The following PCTP variants were observed in gnomAD, a reference collection of about 807,000 sequenced individuals.
The protein encoded by PCTP is phosphatidylcholine transfer protein.
Under a neutral mutation model 31.0 loss-of-function variants are expected in PCTP, and 27 were observed. The observed-to-expected ratio is 0.87, with a 90% CI of 0.64 to 1.20. The LOEUF (loss-of-function observed/expected upper bound fraction) is 1.20, where lower values mean the gene tolerates loss of function less well. PCTP is among the 50% of genes most tolerant of loss of function. PCTP has a pLI of 0.00. For missense variants in PCTP, 287 were observed against 268.2 expected (o/e 1.07, Z -0.49); for synonymous variants, 108 against 101.2 (o/e 1.07, Z -0.40).
intron 5 of PCTP, among the ~76,000 whole-genome samples, chr17:55,829,223 A>AAT (rs1555571465): frequency 2.6e-5 from 4 of 151,972 alleles, no homozygotes; most frequent in African/African-American, 4.8e-5. Flanking sequence ...AAAAAAAAAA[A>AAT]AAATAAAGAC....
chr17:55,754,650 C>T (rs1258246685), intron 1 of PCTP, among the ~76,000 whole-genome samples: 1 of 152,184 alleles, frequency 6.6e-6, no homozygotes, highest in Non-Finnish European at 1.5e-5. Context: ...CCCAAGAAGG[C>T]CTGTCCAGAT....
intron 3 of PCTP, among the ~76,000 whole-genome samples, chr17:55,808,285 C>T (rs553796597): frequency 3.2e-4 from 49 of 152,260 alleles, no homozygotes; most frequent in African/African-American, 1.1e-3. Context: ...GGATGGTTGA[C>T]GCACCTCACC....
intron 3 of PCTP, among the ~76,000 whole-genome samples, chr17:55,794,072 A>G (rs1488293759): frequency 6.6e-6 from 1 of 152,126 alleles, no homozygotes; most frequent in African/African-American, 2.4e-5. Context: ...TCTGAAAGAC[A>G]GTAACTTGTT....
At chr17:55,828,723 G>A (rs560945564) in intron 5 of PCTP, among the ~76,000 whole-genome samples, 1 of 152,148 alleles carries the variant, frequency 6.6e-6, no homozygotes, top group Non-Finnish European at 1.5e-5. Flanking sequence ...GGGTGATGGA[G>A]CCCAGTAGTA....
the PCTP span, among the ~76,000 whole-genome samples, chr17:55,851,387 A>G: frequency 6.6e-6 from 1 of 152,186 alleles, no homozygotes; most frequent in Admixed American, 6.5e-5. Context: ...GAAATGGACT[A>G]TGGAGGTTGT....
At chr17:55,842,470 G>T (rs1567736910) in intron 5 of PCTP, among the ~76,000 whole-genome samples, 1 of 152,198 alleles carries the variant, frequency 6.6e-6, no homozygotes, top group African/African-American at 2.4e-5. Flanking sequence ...AGAAAAGCCA[G>T]ATCCTAAGTT....
chr17:55,806,061 A>G (rs1912571514), intron 3 of PCTP, among the ~76,000 whole-genome samples: 1 of 152,082 alleles, frequency 6.6e-6, no homozygotes, highest in Non-Finnish European at 1.5e-5. Flanking sequence ...AAGATAAATA[A>G]CTTGCCAAGT....
At position 55,761,631 on chromosome 17, in the gene PCTP, A is replaced by G. The variant is rs564827258; in HGVS notation, c.142-5704A>G. Reference sequence around the variant, plus strand: ...TATGTAGAATAATATTTCTATATATATTTATATATATTTTTTCTGAGTTAG... The same window carrying G: ...TATGTAGAATAATATTTCTATATATGTTTATATATATTTTTTCTGAGTTAG... On this transcript the variant is annotated intron_variant, in intron 1 of 5. Coordinates refer to ENST00000268896, the MANE Select transcript of PCTP (RefSeq NM_021213.4). Among the ~76,000 whole-genome samples, 7 of 148,082 alleles carry G rather than the reference A, an allele frequency of 4.7e-5. No individual in the cohort carries two copies. In the South Asian group the frequency reaches 1.5e-3, roughly 31 times the overall value.
the PCTP span, among the ~76,000 whole-genome samples, chr17:55,849,291 C>T: frequency 3.7e-4 from 56 of 152,242 alleles, no homozygotes; most frequent in Non-Finnish European, 6.6e-4. Flanking sequence ...TGTCTAGCTC[C>T]AGATGGTTTT....
chr17:55,790,100 G>A (rs1359887586), intron 3 of PCTP, among the ~76,000 whole-genome samples: 1 of 152,028 alleles, frequency 6.6e-6, no homozygotes, highest in Admixed American at 6.6e-5. Flanking sequence ...ACAAAATTCA[G>A]CAACCCTTCA....
Position 55,751,257 on chromosome 17 carries a change from C to T in PCTP, c.141+13C>T, listed in dbSNP as rs1262872220. The stretch of plus-strand genomic sequence containing the variant: ...GCTGCTGGACAAGGTAGCGGCCAAC[C>T]CGCTGGAGGACCGCGGGGCCTAGAA... On this transcript the variant is annotated intron_variant, in intron 1 of 5. Transcript: ENST00000268896. 1.0e-5 allele frequency: 16 copies of T among 1,531,476 alleles called. No individual in the cohort carries two copies. The highest frequency in any genetic ancestry group is 1.2e-5 in the Non-Finnish European group (14 of 1,138,254). The allele number at this position is 1,531,476 out of a possible 1,614,324, so 94.9% of individuals were successfully genotyped here.
chr17:55,751,111 T>C lies in PCTP; in HGVS notation c.8T>C (p.Leu3Pro). The C allele has an allele frequency of 6.5e-7, 1 of 1,540,586 alleles. No homozygotes were observed. Among genetic ancestry groups the C allele is most frequent in the Non-Finnish European group, 8.7e-7 (1 of 1,143,342 alleles). The change falls in exon 1 of 6, where the codon CTG (leucine) becomes CCG (proline). Residue 3 changes from leucine (L) to proline (P), a missense_variant. Transcript: ENST00000268896. ME[L>P]AAGSFSEEQF... Reference sequence around the variant, plus strand: ...AGCCCGGACTGCGGAAGGATGGAGCTGGCCGCCGGAAGCTTCTCGGAGGAG... The same window carrying C: ...AGCCCGGACTGCGGAAGGATGGAGCCGGCCGCCGGAAGCTTCTCGGAGGAG...
chr17:55,816,319 G>GTCTGGATATTTCTCTATGAAATAT (rs1036235560), intron 3 of PCTP, among the ~76,000 whole-genome samples: 17 of 152,230 alleles, frequency 1.1e-4, no homozygotes, highest in Non-Finnish European at 2.2e-4. Context: ...CTATGAAATT[G>GTCTGGATATTTCTCTATGAAATAT]TCTGGATATT....
At chr17:55,798,047 A>C (rs1286058242) in intron 3 of PCTP, among the ~76,000 whole-genome samples, 1 of 152,040 alleles carries the variant, frequency 6.6e-6, no homozygotes, top group Non-Finnish European at 1.5e-5. Context: ...GTATTAAAAA[A>C]ACAAATAAAC....
intron 3 of PCTP, among the ~76,000 whole-genome samples, chr17:55,805,886 ATGTGTGTGTG>A (rs58345619): frequency 2.1e-5 from 3 of 142,760 alleles, no homozygotes; most frequent in Admixed American, 7.0e-5. Flanking sequence ...CTCAATCTGT[ATGTGTGTGTG>A]TGTGTGTGTG....
the PCTP span, among the ~76,000 whole-genome samples, chr17:55,849,925 G>GT: frequency 6.6e-6 from 1 of 152,014 alleles, no homozygotes; most frequent in Non-Finnish European, 1.5e-5. Flanking sequence ...AATTATCAAT[G>GT]TAATTTGACA....
intron 5 of PCTP, among the ~76,000 whole-genome samples, chr17:55,831,172 C>G (rs1191511255): frequency 1.3e-5 from 2 of 152,014 alleles, no homozygotes; most frequent in Non-Finnish European, 2.9e-5. Flanking sequence ...GGGTGAAATG[C>G]CAGGTTTAAA....
At chr17:55,827,369 AG>A, downstream of PCTP, among the ~76,000 whole-genome samples, 1 of 152,366 alleles carries the variant, frequency 6.6e-6, no homozygotes, top group East Asian at 1.9e-4. Flanking sequence ...ATGTTCAGCC[AG>A]CCTCCTGCCA....
chr17:55,781,814 C>G (rs147233027), downstream of PCTP, among the ~76,000 whole-genome samples: 25 of 152,228 alleles, frequency 1.6e-4, no homozygotes, highest in African/African-American at 6.0e-4. Flanking sequence ...GTAGGCTATA[C>G]CATCTAGGTT....
Sources: allele counts gnomAD v4.1 joint callset (sites outside exome capture counted in the v4.1 genomes callset), GRCh38; gene constraint gnomAD v4.1.1; transcripts MANE v1.5; gene names NCBI Gene and HGNC (gene_info 2026-07-23, HGNC 2026-07-21).